MAPKAPK5: variants seen among roughly 807,000 people sequenced by gnomAD.
MAPKAPK5 encodes MAP kinase-activated protein kinase 5.
Under a neutral mutation model 65.1 loss-of-function variants are expected in MAPKAPK5, and 30 were observed. That is an observed-to-expected ratio of 0.46 (90% CI 0.34 to 0.63). The LOEUF (loss-of-function observed/expected upper bound fraction) is 0.63. MAPKAPK5 is among the 20% of genes least tolerant of loss of function. MAPKAPK5 has a pLI of 0.01. For missense variants in MAPKAPK5, 433 were observed against 581.4 expected (o/e 0.74, Z 2.63); for synonymous variants, 179 against 204.6 (o/e 0.87, Z 1.07).
chr12:111,846,455 T>C (rs1341796486), intron 1 of MAPKAPK5, among the ~76,000 whole-genome samples: 2 of 152,086 alleles, frequency 1.3e-5, no homozygotes, highest in Non-Finnish European at 2.9e-5. Flanking sequence ...TCTGAAAATA[T>C]TAAGTGGAAA....
In MAPKAPK5 at chr12:111,893,727, T is replaced by G. The variant is rs2070704406; in HGVS notation, c.*666T>G. The stretch of plus-strand genomic sequence containing the variant: ...TTGGGTTTATTCTTTTTTTTTTTTT[T>G]TTTTTGAGACAGAGTCTTGCTGTTG... On this transcript the variant is annotated 3_prime_UTR_variant, in exon 14 of 14. Transcript: ENST00000550735. 6.6e-6 allele frequency: 1 copy of G among 151,190 alleles called. No homozygotes were observed. The highest frequency in any genetic ancestry group is 2.4e-5 in the African/African-American group (1 of 41,144). 9.4% of individuals were successfully genotyped at this position (151,190 alleles called of 1,614,324 possible).
chr12:111,849,266 T>G (rs1400435429), intron 1 of MAPKAPK5, among the ~76,000 whole-genome samples: 3 of 150,918 alleles, frequency 2.0e-5, no homozygotes, highest in African/African-American at 7.3e-5. Flanking sequence ...TTTTTTTTTT[T>G]TCTGAGACAA....
chr12:111,895,995 C>T lies in MAPKAPK5; in HGVS notation c.*2934C>T, dbSNP rs532615596. On this transcript the variant is annotated 3_prime_UTR_variant, in exon 14 of 14. Transcript: ENST00000550735. ...TCACTTCTTACAGTTAGGAATACTG[C>T]ACTTGTTTGTGTAATATTAGAACAA... The T allele has an allele frequency of 6.6e-6, 1 of 152,258 alleles. No individual in the cohort carries two copies. Among genetic ancestry groups the T allele is most frequent in the Non-Finnish European group, 1.5e-5 (1 of 68,030 alleles). 9.4% of individuals were successfully genotyped at this position (152,258 alleles called of 1,614,324 possible).
At chr12:111,872,872 C>T (rs1028228126) in intron 7 of MAPKAPK5, among the ~76,000 whole-genome samples, 3 of 152,248 alleles carry the variant, frequency 2.0e-5, no homozygotes, top group East Asian at 1.9e-4. Context: ...TTTTAAGATT[C>T]TTAACTTAAT....
At chr12:111,873,029 A>G (rs1185090878) in intron 7 of MAPKAPK5, among the ~76,000 whole-genome samples, 1 of 152,050 alleles carries the variant, frequency 6.6e-6, no homozygotes, top group Non-Finnish European at 1.5e-5. Flanking sequence ...TTTGAATAGC[A>G]GAAGTTTTGA....
chr12:111,847,439 T>G (rs1375526759), intron 1 of MAPKAPK5, among the ~76,000 whole-genome samples: 1 of 152,012 alleles, frequency 6.6e-6, no homozygotes, highest in Non-Finnish European at 1.5e-5. Context: ...GTATCTCTAG[T>G]CCCATAGCCC....
chr12:111,855,279 G>A (rs924860768), intron 1 of MAPKAPK5, among the ~76,000 whole-genome samples: 1 of 151,864 alleles, frequency 6.6e-6, no homozygotes, highest in African/African-American at 2.4e-5. Context: ...ATAGCTCTCT[G>A]CTCAAATCTT....
At chr12:111,891,982 G>T (rs1341144085) in intron 13 of MAPKAPK5, among the ~76,000 whole-genome samples, 1 of 152,024 alleles carries the variant, frequency 6.6e-6, no homozygotes, top group Non-Finnish European at 1.5e-5. Flanking sequence ...CCATTCAAAG[G>T]TAATCACAGT....
In MAPKAPK5 at chr12:111,898,051, A is replaced by G. The variant is rs2070879333; in HGVS notation, c.*4990A>G. The stretch of plus-strand genomic sequence containing the variant: ...ACCAAATTCAAGGACTTCCACAGAC[A>G]TTTCAGGTCAATTTTAGTTCCAAAC... On this transcript the variant is annotated 3_prime_UTR_variant, in exon 14 of 14. Coordinates refer to ENST00000550735, the MANE Select transcript of MAPKAPK5 (RefSeq NM_003668.4). 1 of 152,098 alleles carries G rather than the reference A, an allele frequency of 6.6e-6. No individual in the cohort carries two copies. Among genetic ancestry groups the G allele is most frequent in the South Asian group, 2.1e-4 (1 of 4,824 alleles). The allele number at this position is 152,098 out of a possible 1,614,324, so 9.4% of individuals were successfully genotyped here.
At chr12:111,885,789 G>A (rs1365691348) in intron 9 of MAPKAPK5, 127 bp from the exon 10 acceptor site, 11 of 1,176,316 alleles carry the variant, frequency 9.4e-6, no homozygotes, top group Non-Finnish European at 1.3e-5. Context: ...TCTGTGCTCT[G>A]CAGGTGGAAA....
chr12:111,880,530 A>G lies in MAPKAPK5; in HGVS notation c.660+3A>G. 3 of 1,613,244 alleles carry G rather than the reference A, an allele frequency of 1.9e-6. No individual in the cohort carries two copies. Among genetic ancestry groups the G allele is most frequent in the Non-Finnish European group, 2.5e-6 (3 of 1,179,286 alleles). The stretch of plus-strand genomic sequence containing the variant: ...CGACGCCCTACACTTACAACAAGGT[A>G]CAGGAAGAGATATTTCTCTTCATTT... On this transcript the variant is annotated splice_donor_region_variant and intron_variant, in intron 8 of 13. Transcript: ENST00000550735.
chr12:111,899,932 T>C lies in MAPKAPK5; in HGVS notation c.*6871T>C, dbSNP rs911316854. The C allele has an allele frequency of 7.9e-5, 36 of 456,010 alleles. No homozygotes were observed. Among genetic ancestry groups the C allele is most frequent in the Non-Finnish European group, 1.4e-4 (31 of 226,814 alleles). The allele number at this position is 456,010 out of a possible 1,614,324, so 28.2% of individuals were successfully genotyped here. A position where few individuals can be genotyped will look rare whatever the true frequency, so the allele number is the denominator to read the frequency against. On this transcript the variant is annotated 3_prime_UTR_variant, in exon 14 of 14. Coordinates refer to ENST00000550735, the MANE Select transcript of MAPKAPK5 (RefSeq NM_003668.4). ...AGGAAGCCTCATGATCTACAGGCACTGTCCTACTTGTGGTCACACAAAAAG... is the reference window on the plus strand; with the variant it reads ...AGGAAGCCTCATGATCTACAGGCACCGTCCTACTTGTGGTCACACAAAAAG...
intron 12 of MAPKAPK5, chr12:111,889,276 C>A: frequency 2.9e-6 from 1 of 346,042 alleles, no homozygotes; most frequent in Non-Finnish European, 5.3e-6. Flanking sequence ...TGCAAGCATG[C>A]AATTTTGTGT....
rs1245796929 is a variant in MAPKAPK5, at chr12:111,901,493, T to C, written c.*8432T>C. 7 of 430,294 alleles carry C rather than the reference T, an allele frequency of 1.6e-5. No homozygotes were observed. Among genetic ancestry groups the C allele is most frequent in the Non-Finnish European group, 3.2e-5 (7 of 217,324 alleles). The allele number at this position is 430,294 out of a possible 1,614,324, so 26.7% of individuals were successfully genotyped here. On this transcript the variant is annotated 3_prime_UTR_variant, in exon 14 of 14. Coordinates refer to ENST00000550735, the MANE Select transcript of MAPKAPK5 (RefSeq NM_003668.4). Reference sequence around the variant, plus strand: ...TGATATTATCATTCATTATACTTTTTATAATATTATTATTAAGTACAATTA... The same window carrying C: ...TGATATTATCATTCATTATACTTTTCATAATATTATTATTAAGTACAATTA...
intron 13 of MAPKAPK5, 90 bp from the exon 14 acceptor site, chr12:111,892,877 C>A: frequency 1.2e-6 from 1 of 843,320 alleles, no homozygotes; most frequent in South Asian, 1.8e-5. Context: ...GAATTTGATA[C>A]TGGTAAGGTG....
At chr12:111,861,482 C>G (rs2069434149) in intron 1 of MAPKAPK5, among the ~76,000 whole-genome samples, 1 of 152,046 alleles carries the variant, frequency 6.6e-6, no homozygotes, top group African/African-American at 2.4e-5. Flanking sequence ...GCGCCGCCAC[C>G]ACACCCGGCT....
At position 111,842,893 on chromosome 12, in the gene MAPKAPK5, C is replaced by T. The variant is rs573593008; in HGVS notation, c.36+124C>T. On this transcript the variant is annotated intron_variant, in intron 1 of 13. Transcript: ENST00000550735. ...TCGACTACCGGGTTTCGGCCTCCCC[C>T]GGATTCCGTGGATCGCGCTTTACAG... 3.3e-4 allele frequency: 324 copies of T among 993,406 alleles called. 2 individuals carry two copies. Among genetic ancestry groups the T allele is most frequent in the South Asian group, 1.4e-3 (27 of 19,660 alleles). The allele number at this position is 993,406 out of a possible 1,614,324, so 61.5% of individuals were successfully genotyped here.
intron 8 of MAPKAPK5, chr12:111,882,683 T>C (rs923422619): frequency 8.8e-6 from 4 of 456,062 alleles, no homozygotes; most frequent in Non-Finnish European, 1.2e-5. Context: ...GCAGTTTTCT[T>C]TTTTTCACAG....
rs1237715713 is a variant in MAPKAPK5 at position 111,890,236 on chromosome 12, T to C, written c.1321+92T>C. On this transcript the variant is annotated intron_variant, in intron 13 of 13. Transcript: ENST00000550735. ...ATCTCTTTGGGGCCTGAGCTGCGGCTGTTTTGAAGTGAAGTGAGGCTGGCT... is the reference window on the plus strand; with the variant it reads ...ATCTCTTTGGGGCCTGAGCTGCGGCCGTTTTGAAGTGAAGTGAGGCTGGCT... 21 of 943,774 alleles carry C rather than the reference T, an allele frequency of 2.2e-5. No homozygotes were observed. In the Admixed American group the frequency reaches 2.6e-4, roughly 11 times the overall value. The allele number at this position is 943,774 out of a possible 1,614,324, so 58.5% of individuals were successfully genotyped here.
Sources: gnomAD v4.1 joint callset for allele counts (sites outside exome capture counted in the v4.1 genomes callset) on GRCh38, gnomAD v4.1.1 for gene constraint, MANE v1.5 for transcripts, NCBI Gene and HGNC (gene_info 2026-07-23, HGNC 2026-07-21) for gene names.